PARP8: variants seen among roughly 807,000 people sequenced by gnomAD.
The protein encoded by PARP8 is poly(ADP-ribose) polymerase family member 8.
A neutral mutation model predicts 124.1 loss-of-function variants in PARP8; 51 were observed. The ratio of observed to expected loss-of-function variants is 0.41; its 90% CI spans 0.33 to 0.52. The LOEUF is 0.52. Ranked by LOEUF, PARP8 falls within the 20% of genes least tolerant of loss-of-function variation. The pLI, the probability that PARP8 is intolerant of heterozygous loss-of-function variation, is 0.21. For synonymous variants in PARP8, 391 were observed against 361.5 expected (o/e 1.08, Z -0.93); for missense variants, 860 against 1,018.9 (o/e 0.84, Z 2.12).
intron 9 of PARP8, among the ~76,000 whole-genome samples, 157 bp from the exon 10 acceptor site, chr5:50,788,366 A>G (rs1415508055): frequency 1.3e-5 from 2 of 150,978 alleles, no homozygotes; most frequent in Non-Finnish European, 3.0e-5. Flanking sequence ...TCCTATGTGC[A>G]TATAGCATAA....
intron 2 of PARP8, among the ~76,000 whole-genome samples, chr5:50,680,373 C>T (rs892106821): frequency 4.6e-5 from 7 of 151,916 alleles, no homozygotes; most frequent in African/African-American, 7.3e-5. Flanking sequence ...TGAATGAGTA[C>T]GGAGGTCATT....
intron 2 of PARP8, among the ~76,000 whole-genome samples, chr5:50,698,351 A>G (rs1753245805): frequency 6.6e-6 from 1 of 152,204 alleles, no homozygotes; most frequent in Non-Finnish European, 1.5e-5. Context: ...AGCATTCCTT[A>G]TTGTTTTCAG....
At chr5:50,673,263 A>G in intron 2 of PARP8, among the ~76,000 whole-genome samples, 1 of 152,202 alleles carries the variant, frequency 6.6e-6, no homozygotes, top group Non-Finnish European at 1.5e-5. Flanking sequence ...TCTGTTCTGT[A>G]TAACAACTCT....
At position 50,819,750 on chromosome 5, in the gene PARP8, A is replaced by G. The variant is rs140186052; in HGVS notation, c.1669-1463A>G. Among the ~76,000 whole-genome samples, 3 of 152,090 alleles carry G rather than the reference A, an allele frequency of 2.0e-5. No individual in the cohort carries two copies. The East Asian group carries it at 5.8e-4, about 29-fold the overall frequency. ...GTGAGCCACTGCGCCCAACAAGGCT[A>G]TTTTATCTTACTGATTCTTCTTTGT... On this transcript the variant is annotated intron_variant, in intron 15 of 25. Transcript: ENST00000281631.
chr5:50,738,924 C>A, intron 2 of PARP8: 1 of 699,322 alleles, frequency 1.4e-6, no homozygotes, highest in South Asian at 1.5e-5. Flanking sequence ...TAGTTTACAT[C>A]AGGGCTCTGC....
At chr5:50,767,100 A>T (rs1367277025) in intron 7 of PARP8, among the ~76,000 whole-genome samples, 2 of 152,082 alleles carry the variant, frequency 1.3e-5, no homozygotes, top group African/African-American at 4.8e-5. Context: ...GTTAGTTCCC[A>T]TGTCCCCTCA....
chr5:50,754,126 T>TATATATATATATATATAC (rs1759574115), intron 3 of PARP8, among the ~76,000 whole-genome samples: 1 of 7,344 alleles, frequency 1.4e-4, no homozygotes, highest in Non-Finnish European at 3.0e-4. Context: ...CATATATATA[T>TATATATATATATATATAC]ATATATATAT....
chr5:50,792,479 G>GTTTTTTTTTTTT (rs35302971), intron 10 of PARP8, among the ~76,000 whole-genome samples: 1 of 147,234 alleles, frequency 6.8e-6, no homozygotes, highest in Non-Finnish European at 1.5e-5. Context: ...ATTTTGACCT[G>GTTTTTTTTTTTT]TTTTTTTTTT....
chr5:50,690,721 A>G (rs1053725106), intron 2 of PARP8, among the ~76,000 whole-genome samples: 5 of 152,184 alleles, frequency 3.3e-5, no homozygotes, highest in African/African-American at 1.2e-4. Flanking sequence ...CTGGAGATAG[A>G]AACTCAACAG....
At chr5:50,781,560 T>C (rs1417207162) in intron 9 of PARP8, among the ~76,000 whole-genome samples, 2 of 152,200 alleles carry the variant, frequency 1.3e-5, no homozygotes, top group Admixed American at 1.3e-4. Flanking sequence ...GCTCTGCTGG[T>C]GCCCTACCCT....
chr5:50,742,389 G>T (rs1441140224), intron 2 of PARP8, among the ~76,000 whole-genome samples: 2 of 152,142 alleles, frequency 1.3e-5, no homozygotes, highest in Admixed American at 6.5e-5. Context: ...TGGAGTGTGG[G>T]TTTATGAGTT....
chr5:50,842,155 A>ATTG lies in PARP8; in HGVS notation c.*90_*92dup. On this transcript the variant is annotated 3_prime_UTR_variant, in exon 26 of 26. Coordinates refer to ENST00000281631, the MANE Select transcript of PARP8 (RefSeq NM_024615.4). The stretch of plus-strand genomic sequence containing the variant: ...ACTGAAGAAGATTATAAAATTATTT[A>ATTG]TTGTTATTATAAACAAAATTAACCC... 1 of 915,346 alleles carries ATTG rather than the reference A, an allele frequency of 1.1e-6. No individual in the cohort carries two copies. Among genetic ancestry groups the ATTG allele is most frequent in the South Asian group, 1.7e-5 (1 of 60,444 alleles). 56.7% of individuals were successfully genotyped at this position (915,346 alleles called of 1,614,324 possible).
At chr5:50,668,444 T>C (rs1749622698) in intron 2 of PARP8, 1 of 307,888 alleles carries the variant, frequency 3.2e-6, no homozygotes, top group Admixed American at 4.4e-5. Context: ...ACTGGAATAC[T>C]GGATATGAAG....
At chr5:50,684,501 A>C (rs1047518916) in intron 2 of PARP8, among the ~76,000 whole-genome samples, 1 of 151,864 alleles carries the variant, frequency 6.6e-6, no homozygotes, top group African/African-American at 2.4e-5. Context: ...AAGGTTTTAT[A>C]TATATTCATA....
Position 50,730,504 on chromosome 5 carries a change from G to A in PARP8, c.147-19647G>A, listed in dbSNP as rs1027064423. ...TCACTATTATGAGAACAGCAGCATCGGGTTAACCGCCTCCATGATTAAATT... is the reference window on the plus strand; with the variant it reads ...TCACTATTATGAGAACAGCAGCATCAGGTTAACCGCCTCCATGATTAAATT... On this transcript the variant is annotated intron_variant, in intron 2 of 25. Transcript: ENST00000281631. 2.3e-4 allele frequency among the ~76,000 whole-genome samples: 35 copies of A among 152,106 alleles called. 1 individual carries two copies. The highest frequency in any genetic ancestry group is 6.2e-4 in the South Asian group (3 of 4,822).
chr5:50,813,822 TACACGCACACAG>T (rs1447030041), intron 14 of PARP8, among the ~76,000 whole-genome samples: 1 of 152,064 alleles, frequency 6.6e-6, no homozygotes, highest in South Asian at 2.1e-4. Flanking sequence ...TGTGTATATG[TACACGCACACAG>T]ACACGCACAC....
At chr5:50,685,883 G>A (rs1751803851) in intron 2 of PARP8, among the ~76,000 whole-genome samples, 1 of 152,148 alleles carries the variant, frequency 6.6e-6, no homozygotes, top group Non-Finnish European at 1.5e-5. Flanking sequence ...GCATGGGAAA[G>A]ACCTGCCCCC....
rs537553354 is a variant in PARP8, at chr5:50,671,837, A to G, written c.146+3712A>G. ...ATGTTTTATTAGAAATTATAATAAAATTAGAAATTTAATATTTGGCAGGAT... is the reference window on the plus strand; with the variant it reads ...ATGTTTTATTAGAAATTATAATAAAGTTAGAAATTTAATATTTGGCAGGAT... On this transcript the variant is annotated intron_variant, in intron 2 of 25. Coordinates refer to ENST00000281631, the MANE Select transcript of PARP8 (RefSeq NM_024615.4). Among the ~76,000 whole-genome samples, 11 of 152,362 alleles carry G rather than the reference A, an allele frequency of 7.2e-5. No individual in the cohort carries two copies. In the South Asian group the frequency reaches 2.3e-3, roughly 32 times the overall value.
At chr5:50,739,732 A>ATATATTTT (rs1391397402) in intron 2 of PARP8, among the ~76,000 whole-genome samples, 1 of 44,208 alleles carries the variant, frequency 2.3e-5, no homozygotes, top group Non-Finnish European at 4.0e-5. Context: ...ATATATATAT[A>ATATATTTT]TTTTTTTTTT....
Sources: allele counts gnomAD v4.1 joint callset (sites outside exome capture counted in the v4.1 genomes callset), GRCh38; gene constraint gnomAD v4.1.1; transcripts MANE v1.5; gene names NCBI Gene and HGNC (gene_info 2026-07-23, HGNC 2026-07-21).